The following CARS2 variants were observed in gnomAD, a reference collection of about 807,000 sequenced individuals.
The protein encoded by CARS2 is cysteinyl-tRNA synthetase 2, mitochondrial.
A neutral mutation model predicts 68.8 loss-of-function variants in CARS2; 52 were observed. The observed-to-expected ratio is 0.76, with a 90% confidence interval of 0.61 to 0.95. The LOEUF (loss-of-function observed/expected upper bound fraction) is 0.95, where lower values mean the gene tolerates loss of function less well. CARS2 is among the 40% of genes least tolerant of loss of function. The pLI is 0.00. For missense variants in CARS2, 780 were observed against 754.2 expected, an observed-to-expected ratio of 1.03 and a Z score of -0.40; for synonymous variants, 314 against 303.6, an observed-to-expected ratio of 1.03 and a Z score of -0.36.
At chr13:110,647,530 G>A (rs527281795) in intron 10 of CARS2, among the ~76,000 whole-genome samples, 48 of 152,016 alleles carry the variant, frequency 3.2e-4, no homozygotes, top group African/African-American at 6.5e-4. Context: ...ATGGAGGTGC[G>A]GATGAATGGC....
chr13:110,662,958 T>G, intron 9 of CARS2: 1 of 455,566 alleles, frequency 2.2e-6, no homozygotes. Flanking sequence ...GGTGTGCCTG[T>G]TTTCCATTCA....
intron 13 of CARS2, 43 bp from the exon 14 acceptor site, chr13:110,642,564 A>G: frequency 1.3e-5 from 19 of 1,491,572 alleles, no homozygotes; most frequent in Non-Finnish European, 1.7e-5. Flanking sequence ...GAGACTGTGG[A>G]TTGTGGATGC....
chr13:110,684,812 CT>C (rs1346220204), intron 5 of CARS2, among the ~76,000 whole-genome samples: 4 of 152,056 alleles, frequency 2.6e-5, no homozygotes, highest in Non-Finnish European at 5.9e-5. Flanking sequence ...TCCCCCTTCA[CT>C]TTGCTTTATG....
chr13:110,688,020 TG>T lies in CARS2; in HGVS notation c.394-3del. 6.2e-7 allele frequency: 1 copy of T among 1,605,102 alleles called. No individual in the cohort carries two copies. Among genetic ancestry groups the T allele is most frequent in the East Asian group, 2.2e-5 (1 of 44,828 alleles). On this transcript the variant is annotated splice_polypyrimidine_tract_variant and splice_region_variant and intron_variant, in intron 3 of 14. Coordinates refer to ENST00000257347, the MANE Select transcript of CARS2 (RefSeq NM_024537.4). ...GAGGGAAGCGGGGGAAATATTCATC[TG>T]CAGAAGGATTAGATGTGCACGTTAA...
intron 3 of CARS2, among the ~76,000 whole-genome samples, chr13:110,691,084 C>T (rs1329543489): frequency 6.6e-6 from 1 of 152,200 alleles, no homozygotes; most frequent in African/African-American, 2.4e-5. Context: ...GGCACAATCT[C>T]AGCTCACTGC....
At chr13:110,696,456 C>T (rs1156929574) in intron 3 of CARS2, among the ~76,000 whole-genome samples, 1 of 152,178 alleles carries the variant, frequency 6.6e-6, no homozygotes, top group Non-Finnish European at 1.5e-5. Flanking sequence ...TTTTAATGAT[C>T]GCCATTCTAA....
rs531704739 is a variant in CARS2, at chr13:110,668,578, T to C, written c.786-1105A>G. The stretch of plus-strand genomic sequence containing the variant: ...AAGATTTTTACATCTTAGTGACGGG[T>C]CGTCTTAGGGTAACTCTAACATTCC... On this transcript the variant is annotated intron_variant, in intron 7 of 14. Transcript: ENST00000257347. This position sits in a 1 kb window ranked among gnomAD's most constrained non-coding sequence, Gnocchi z 4.1. Among the ~76,000 whole-genome samples the C allele has an allele frequency of 5.4e-5, 8 of 148,998 alleles. No homozygotes were observed. In the East Asian group the frequency reaches 1.6e-3, roughly 29 times the overall value.
intron 13 of CARS2, chr13:110,644,064 C>T: frequency 3.9e-6 from 5 of 1,274,434 alleles, no homozygotes; most frequent in Non-Finnish European, 5.1e-6. Flanking sequence ...TGTTCTCTTA[C>T]TGTGCCTGTG....
Position 110,670,797 on chromosome 13 carries a change from A to G in CARS2, c.786-3324T>C, listed in dbSNP as rs1285103523. On this transcript the variant is annotated intron_variant, in intron 7 of 14. Coordinates refer to ENST00000257347, the MANE Select transcript of CARS2 (RefSeq NM_024537.4). The surrounding 1 kb of genome is among the most constrained non-coding windows in gnomAD (Gnocchi z 4.1). Reference sequence around the variant, plus strand: ...AAGGAGGATGTTTGAACCCATCATAAAGAAGCTAAAAACCTTCAAAAAAGA... The same window carrying G: ...AAGGAGGATGTTTGAACCCATCATAGAGAAGCTAAAAACCTTCAAAAAAGA... Among the ~76,000 whole-genome samples the G allele has an allele frequency of 2.0e-5, 3 of 152,226 alleles. No individual in the cohort carries two copies. Among genetic ancestry groups the G allele is most frequent in the African/African-American group, 7.2e-5 (3 of 41,466 alleles).
chr13:110,675,484 C>T (rs1468571562), intron 7 of CARS2, among the ~76,000 whole-genome samples: 1 of 152,170 alleles, frequency 6.6e-6, no homozygotes, highest in African/African-American at 2.4e-5. Flanking sequence ...TGCATGTTCT[C>T]ACTCATAGGT....
At position 110,667,515 on chromosome 13, in the gene CARS2, C is replaced by T. The variant is rs368114798; in HGVS notation, c.786-42G>A. 10 of 1,592,960 alleles carry T rather than the reference C, an allele frequency of 6.3e-6. No homozygotes were observed. In the African/African-American group the frequency reaches 1.1e-4, roughly 17 times the overall value. Reference sequence around the variant, plus strand: ...AAAGTAGTGAATTCATTCAATCAAGCAACATATTTTCTTCTAACCTCGTCT... The same window carrying T: ...AAAGTAGTGAATTCATTCAATCAAGTAACATATTTTCTTCTAACCTCGTCT... On this transcript the variant is annotated intron_variant, in intron 7 of 14. Coordinates refer to ENST00000257347, the MANE Select transcript of CARS2 (RefSeq NM_024537.4).
chr13:110,669,120 G>A (rs1002758465), intron 7 of CARS2, among the ~76,000 whole-genome samples: 23 of 152,176 alleles, frequency 1.5e-4, no homozygotes, highest in African/African-American at 5.3e-4. Flanking sequence ...AATGACGGAA[G>A]CGTTTCCAGA....
At chr13:110,663,346 G>C in intron 9 of CARS2, 105 bp downstream of exon 9, 1 of 1,135,448 alleles carries the variant, frequency 8.8e-7, no homozygotes. Context: ...GGGGCCAGAG[G>C]GCACTGGGAA....
chr13:110,675,858 TAACA>T (rs1479946924), intron 7 of CARS2, among the ~76,000 whole-genome samples: 5 of 152,096 alleles, frequency 3.3e-5, no homozygotes, highest in Non-Finnish European at 7.4e-5. Flanking sequence ...AGCACCACGG[TAACA>T]AACTAACCGT....
chr13:110,642,735 G>A lies in CARS2; in HGVS notation c.1417-214C>T, dbSNP rs776233698. 197 of 753,610 alleles carry A rather than the reference G, an allele frequency of 2.6e-4. 1 individual carries two copies. Among genetic ancestry groups the A allele is most frequent in the Non-Finnish European group, 4.3e-4 (177 of 412,886 alleles). 46.7% of individuals were successfully genotyped at this position (753,610 alleles called of 1,614,324 possible). ...CTCCACTCAACTCTGAGCATCTGTC[G>A]TCCAAGCAAGGCTGAGTGATCCTCA... On this transcript the variant is annotated intron_variant, in intron 13 of 14. Transcript: ENST00000257347.
intron 3 of CARS2, chr13:110,698,036 C>A (rs921982793): frequency 1.1e-5 from 5 of 447,614 alleles, no homozygotes; most frequent in African/African-American, 2.0e-5. Flanking sequence ...CAGATAAACG[C>A]CCCAGCCCAA....
At chr13:110,699,425 T>C (rs2063719298) in intron 3 of CARS2, among the ~76,000 whole-genome samples, 1 of 152,230 alleles carries the variant, frequency 6.6e-6, no homozygotes, top group Admixed American at 6.5e-5. Context: ...ACTTCATGTA[T>C]GTTAGAACAT....
chr13:110,663,426 A>G (rs775613777), intron 9 of CARS2, 25 bp downstream of exon 9: 2 of 1,606,444 alleles, frequency 1.2e-6, no homozygotes, highest in South Asian at 2.2e-5. Context: ...GGCACCTCAG[A>G]GATACAATAC....
At chr13:110,680,107 C>T (rs1286125417) in intron 6 of CARS2, among the ~76,000 whole-genome samples, 4 of 149,588 alleles carry the variant, frequency 2.7e-5, no homozygotes, top group Admixed American at 6.7e-5. Context: ...GGGCCAGGCA[C>T]GGTGGCTCAC....
Sources: allele counts gnomAD v4.1 joint callset (sites outside exome capture counted in the v4.1 genomes callset), GRCh38; gene constraint gnomAD v4.1.1; non-coding constraint Gnocchi (gnomAD v3.1); transcripts MANE v1.5; gene names NCBI Gene and HGNC (gene_info 2026-07-23, HGNC 2026-07-21).